PCNT: variants seen among roughly 807,000 people sequenced by gnomAD.
PCNT encodes kendrin.
In PCNT, 319 loss-of-function variants were observed where a neutral mutation model predicts 380.4. That is an observed-to-expected ratio of 0.84 (90% CI 0.77 to 0.92). The LOEUF is 0.92. Ranked by LOEUF, PCNT falls within the 40% of genes least tolerant of loss-of-function variation. PCNT has a pLI of 0.00. For synonymous variants in PCNT, 1,845 were observed against 1,735.2 expected (o/e 1.06, Z -1.57); for missense variants, 4,400 against 4,255.3 (o/e 1.03, Z -0.95).
intron 15 of PCNT, among the ~76,000 whole-genome samples, chr21:46,374,447 G>A (rs2085266191): frequency 6.6e-6 from 1 of 152,138 alleles, no homozygotes; most frequent in African/African-American, 2.4e-5. Flanking sequence ...CCTCGTTCCT[G>A]CAAGCGTGTT....
chr21:46,404,770 G>C (rs143102333), intron 27 of PCNT, among the ~76,000 whole-genome samples: 7,437 of 152,030 alleles, frequency 0.049, 226 homozygotes, highest in Non-Finnish European at 0.063. Flanking sequence ...AACAACATGG[G>C]AAAACCCCAT....
rs143353483 is a variant in PCNT, at chr21:46,392,952, A to G, written c.4216+1576A>G. 6.0e-3 allele frequency among the ~76,000 whole-genome samples: 916 copies of G among 152,200 alleles called. 8 individuals carry two copies. Among genetic ancestry groups the G allele is most frequent in the Middle Eastern group, 0.02 (6 of 294 alleles). Reference sequence around the variant, plus strand: ...GCCTTGTATGGATACCATATTCATGACTGTTTTTTAAAAGCCTGTCTGTGA... The same window carrying G: ...GCCTTGTATGGATACCATATTCATGGCTGTTTTTTAAAAGCCTGTCTGTGA... On this transcript the variant is annotated intron_variant, in intron 21 of 46. Transcript: ENST00000359568.
At position 46,428,644 on chromosome 21, in the gene PCNT, G is replaced by A. The variant is rs536885050; in HGVS notation, c.7690+54G>A. On this transcript the variant is annotated intron_variant, in intron 35 of 46. Transcript: ENST00000359568. ...GCCCGGCCTCTGCACCTGCCCGCCC[G>A]ACACTCACCTGTGTGGCCTTGGGAG... 416 of 1,436,848 alleles carry A rather than the reference G, an allele frequency of 2.9e-4. 5 individuals are homozygous for A. In the Middle Eastern group the frequency reaches 4.0e-3, roughly 14 times the overall value. 89.0% of individuals were successfully genotyped at this position (1,436,848 alleles called of 1,614,324 possible).
intron 27 of PCNT, among the ~76,000 whole-genome samples, chr21:46,403,354 G>A (rs1208646882): frequency 1.4e-5 from 2 of 143,720 alleles, no homozygotes; most frequent in African/African-American, 2.6e-5. Flanking sequence ...CGCGGCGCGT[G>A]CTCGGTGAAT....
intron 15 of PCNT, among the ~76,000 whole-genome samples, chr21:46,379,904 G>T (rs1301977400): frequency 6.6e-6 from 1 of 152,216 alleles, no homozygotes; most frequent in African/African-American, 2.4e-5. Context: ...CATGGTCACT[G>T]CAGCCGGCCC....
rs766375190 is a variant in PCNT at position 46,334,727 on chromosome 21, A to G, written c.598A>G (p.Ile200Val). Residue 200 changes from isoleucine to valine, a missense_variant, in exon 3 of 47, where the codon ATC (isoleucine) becomes GTC (valine). Coordinates refer to ENST00000359568, the MANE Select transcript of PCNT (RefSeq NM_006031.6). The part of the protein sequence containing the change: ...HTPEQRGIFT[I>V]SDHPAEQRGM... ...ACCAGAACAGCGTGGGATCTTCACAATCAGTGACCACCCAGCAGAACAGCG... is the reference window on the plus strand; with the variant it reads ...ACCAGAACAGCGTGGGATCTTCACAGTCAGTGACCACCCAGCAGAACAGCG... 1.8e-5 allele frequency: 29 copies of G among 1,612,082 alleles called. No homozygotes were observed. The highest frequency in any genetic ancestry group is 6.7e-5 in the East Asian group (3 of 44,764).
rs987225175 is a variant in PCNT, at chr21:46,351,627, A to G, written c.1456+87A>G. On this transcript the variant is annotated intron_variant, in intron 9 of 46. Coordinates refer to ENST00000359568, the MANE Select transcript of PCNT (RefSeq NM_006031.6). ...TGTAACACCAAGCCAGAATTTAACA[A>G]TTCTAGCAAACACAAAAAAGTGGAT... is the stretch of plus-strand genomic sequence containing the variant. 2.8e-5 allele frequency: 24 copies of G among 850,100 alleles called. 1 individual carries two copies. Among genetic ancestry groups the G allele is most frequent in the Middle Eastern group, 4.3e-4 (2 of 4,612 alleles). 52.7% of individuals were successfully genotyped at this position (850,100 alleles called of 1,614,324 possible). A position where few individuals can be genotyped will look rare whatever the true frequency, so the allele number is the denominator to read the frequency against.
chr21:46,359,949 C>T (rs2084645118), intron 13 of PCNT, among the ~76,000 whole-genome samples: 1 of 151,080 alleles, frequency 6.6e-6, no homozygotes, highest in Admixed American at 6.6e-5. Context: ...CTCTTCCTCC[C>T]AGGCTCAAGG....
At chr21:46,418,356 G>A (rs1569280953) in intron 31 of PCNT, 50 bp downstream of exon 31, 9 of 1,074,522 alleles carry the variant, frequency 8.4e-6, no homozygotes, top group Non-Finnish European at 1.1e-5. Context: ...TGGTTTCCTA[G>A]CACAGAATAG....
At chr21:46,387,622 A>G (rs929099583) in intron 17 of PCNT, among the ~76,000 whole-genome samples, 2 of 152,046 alleles carry the variant, frequency 1.3e-5, no homozygotes, top group Admixed American at 6.6e-5. Flanking sequence ...CTCTCCGTCA[A>G]GCCCCTCCTC....
intron 3 of PCNT, among the ~76,000 whole-genome samples, chr21:46,336,886 C>CG (rs1344868738): frequency 6.6e-6 from 1 of 151,950 alleles, no homozygotes. Context: ...TCTGCCCTCC[C>CG]CCCCAGGTTT....
intron 2 of PCNT, among the ~76,000 whole-genome samples, chr21:46,330,370 CGGCCTCCCAAAGTGCT>C (rs944214082): frequency 1.3e-5 from 2 of 152,120 alleles, no homozygotes; most frequent in African/African-American, 4.8e-5. Flanking sequence ...TCTCCCACCT[CGGCCTCCCAAAGTGCT>C]GGAATTATAG....
rs1234804488 is a variant in PCNT at position 46,397,456 on chromosome 21, C to T, written c.4408C>T (p.Leu1470=). ...VTALEQQVAS[L]DKHLRNQRQF... ...TGCCCTGGAACAGCAGGTGGCATCT[C>T]TGGACAAGCATTTGCGCAACCAGCG... The change falls in exon 22 of 47, where the codon CTG becomes TTG. Residue 1470 remains leucine, a synonymous_variant. Transcript: ENST00000359568. 1.2e-6 allele frequency: 2 copies of T among 1,614,188 alleles called. No individual in the cohort carries two copies. Among genetic ancestry groups the T allele is most frequent in the East Asian group, 4.5e-5 (2 of 44,886 alleles).
chr21:46,416,213 C>T lies in PCNT; in HGVS notation c.6295C>T (p.Pro2099Ser), dbSNP rs371054707. Residue 2099 changes from proline to serine, a missense_variant, in exon 30 of 47, where the codon CCC (proline) becomes TCC (serine). Coordinates refer to ENST00000359568, the MANE Select transcript of PCNT (RefSeq NM_006031.6). ...TGCTGCCGACACCAAATCTCTGTGG[C>T]CCATGGCCTCAGCACACCTGTTGGA... ...VDAADTKSLW[P>S]MASAHLLESS... The T allele has an allele frequency of 4.0e-5, 64 of 1,614,082 alleles. No homozygotes were observed. The highest frequency in any genetic ancestry group is 1.0e-4 in the Admixed American group (6 of 60,008).
At chr21:46,345,605 A>G (rs1160726238) in intron 3 of PCNT, among the ~76,000 whole-genome samples, 1 of 152,158 alleles carries the variant, frequency 6.6e-6, no homozygotes, top group Non-Finnish European at 1.5e-5. Context: ...ATTAACAAGC[A>G]TACGATTCAC....
At chr21:46,396,154 G>A (rs968470359) in intron 21 of PCNT, among the ~76,000 whole-genome samples, 3 of 152,206 alleles carry the variant, frequency 2.0e-5, no homozygotes, top group East Asian at 1.9e-4. Context: ...TTTCCAAGAC[G>A]CTTTTTCATC....
chr21:46,407,595 G>A (rs918521609), intron 27 of PCNT, among the ~76,000 whole-genome samples: 28 of 151,994 alleles, frequency 1.8e-4, no homozygotes, highest in African/African-American at 5.1e-4. Flanking sequence ...CGCCCGACTC[G>A]GCCTCCCAAA....
In PCNT at chr21:46,367,014, CAA is replaced by C. The variant is rs752039706; in HGVS notation, c.3041_3042del (p.Gln1014ArgfsTer43). On this transcript the variant is annotated frameshift_variant, in exon 15 of 47. Transcript: ENST00000359568. LOFTEE classifies it high-confidence loss of function. ...KDSLHQTILT[Q>X]ELEKLKRKHE... ...CTCTCTTCACCAAACGATTTTGACT[CAA>C]GAGTTGGAGAAACTGAAGCGGAAAC... The C allele has an allele frequency of 1.2e-6, 2 of 1,614,158 alleles. No individual in the cohort carries two copies. Among genetic ancestry groups the C allele is most frequent in the Non-Finnish European group, 1.7e-6 (2 of 1,180,030 alleles).
chr21:46,443,811 G>GC lies in PCNT; in HGVS notation c.9706dup (p.Arg3236ProfsTer100). 1.2e-6 allele frequency: 2 copies of GC among 1,613,728 alleles called. No individual in the cohort carries two copies. Among genetic ancestry groups the GC allele is most frequent in the South Asian group, 2.2e-5 (2 of 91,062 alleles). ...GGTTGTTAAATAATTCTGGGGAAGG[G>GC]CCCCGAGCACGACAGCCGCAGTCTC... On this transcript the variant is annotated frameshift_variant and splice_region_variant, in exon 45 of 47. Transcript: ENST00000359568. LOFTEE classifies it high-confidence loss of function.
Sources: allele counts gnomAD v4.1 joint callset (sites outside exome capture counted in the v4.1 genomes callset), GRCh38; gene constraint gnomAD v4.1.1; transcripts MANE v1.5; gene names NCBI Gene and HGNC (gene_info 2026-07-23, HGNC 2026-07-21).